Variants in THSD7B observed in about 807,000 individuals in gnomAD.
THSD7B encodes thrombospondin type-1 domain-containing protein 7B.
In THSD7B, 138 loss-of-function variants were observed where a neutral mutation model predicts 213.6. The ratio of observed to expected loss-of-function variants is 0.65; its 90% CI spans 0.56 to 0.74. The LOEUF is 0.74. THSD7B is among the 30% of genes least tolerant of loss of function. The pLI, the probability that THSD7B is intolerant of heterozygous loss-of-function variation, is 0.00. For synonymous variants in THSD7B, 742 were observed against 687.0 expected (o/e 1.08, Z -1.25); for missense variants, 1,931 against 1,991.5 (o/e 0.97, Z 0.58).
chr2:136,948,252 C>A (rs1470962247), intron 2 of THSD7B, among the ~76,000 whole-genome samples: 1 of 152,146 alleles, frequency 6.6e-6, no homozygotes, highest in Non-Finnish European at 1.5e-5. Context: ...TGCCCCTGCT[C>A]ACAAACCTTC....
intron 27 of THSD7B, among the ~76,000 whole-genome samples, chr2:137,672,000 A>ACAT (rs1683588883): frequency 6.6e-6 from 1 of 152,116 alleles, no homozygotes; most frequent in African/African-American, 2.4e-5. Context: ...ATTTATATAA[A>ACAT]CATCTTCCTC....
At chr2:136,976,227 G>A (rs912447845) in intron 2 of THSD7B, among the ~76,000 whole-genome samples, 5 of 152,172 alleles carry the variant, frequency 3.3e-5, no homozygotes, top group Non-Finnish European at 7.3e-5. Flanking sequence ...TGGTGAGAGA[G>A]GGCAGCCTTG....
At chr2:137,112,135 G>A (rs1447657076) in intron 4 of THSD7B, among the ~76,000 whole-genome samples, 1 of 152,168 alleles carries the variant, frequency 6.6e-6, no homozygotes, top group African/African-American at 2.4e-5. Context: ...TATTCTGTCA[G>A]ATCCTAGCGA....
chr2:137,412,304 G>A (rs1686675800), intron 14 of THSD7B, among the ~76,000 whole-genome samples: 1 of 151,490 alleles, frequency 6.6e-6, no homozygotes, highest in Non-Finnish European at 1.5e-5. Flanking sequence ...GATTTTAAAA[G>A]TTTTACCGTA....
At chr2:137,674,338 G>C (rs577994048) in intron 27 of THSD7B, among the ~76,000 whole-genome samples, 5 of 152,234 alleles carry the variant, frequency 3.3e-5, no homozygotes, top group African/African-American at 1.2e-4. Context: ...GAGGTGGGAG[G>C]GAGAAGACTC....
intron 12 of THSD7B, among the ~76,000 whole-genome samples, chr2:137,325,427 G>A (rs1360887473): frequency 6.6e-6 from 1 of 152,152 alleles, no homozygotes; most frequent in South Asian, 2.1e-4. Context: ...GAAACCTGGT[G>A]GTGGGCTTCG....
chr2:137,015,073 C>T (rs1264802455), intron 2 of THSD7B, among the ~76,000 whole-genome samples: 1 of 152,082 alleles, frequency 6.6e-6, no homozygotes, highest in African/African-American at 2.4e-5. Flanking sequence ...ATACTTATCA[C>T]CACTTACTCA....
intron 15 of THSD7B, among the ~76,000 whole-genome samples, chr2:137,462,979 A>G (rs1217745824): frequency 6.6e-6 from 1 of 152,152 alleles, no homozygotes. Flanking sequence ...AAACAAGTCC[A>G]TGCATAGTAA....
chr2:137,033,911 G>A (rs1203606398), intron 2 of THSD7B, among the ~76,000 whole-genome samples: 1 of 151,992 alleles, frequency 6.6e-6, no homozygotes, highest in African/African-American at 2.4e-5. Flanking sequence ...ATTTACATTA[G>A]GTATTTCTCC....
intron 12 of THSD7B, among the ~76,000 whole-genome samples, chr2:137,339,441 G>A (rs1371850538): frequency 6.6e-6 from 1 of 152,050 alleles, no homozygotes; most frequent in Non-Finnish European, 1.5e-5. Context: ...ATGAAGCAGA[G>A]TAGAAAGCAC....
At chr2:137,310,132 T>A (rs368813323) in intron 12 of THSD7B, among the ~76,000 whole-genome samples, 77 of 152,078 alleles carry the variant, frequency 5.1e-4, no homozygotes, top group Middle Eastern at 6.8e-3. Flanking sequence ...AACAGTGTAA[T>A]AGTGTTCCTA....
chr2:136,787,833 G>A (rs1366770787), intron 1 of THSD7B, among the ~76,000 whole-genome samples: 1 of 46,184 alleles, frequency 2.2e-5, no homozygotes, highest in Non-Finnish European at 6.1e-5. Context: ...AAGAGCCATT[G>A]TGTAGTTTCC....
chr2:136,942,909 G>A (rs1325668142), intron 2 of THSD7B, among the ~76,000 whole-genome samples: 1 of 152,196 alleles, frequency 6.6e-6, no homozygotes. Context: ...TGGTGAGAGA[G>A]GACATCCCTG....
intron 7 of THSD7B, among the ~76,000 whole-genome samples, chr2:137,174,483 G>A (rs1011568828): frequency 6.6e-6 from 1 of 152,136 alleles, no homozygotes; most frequent in Non-Finnish European, 1.5e-5. Context: ...AAACTTTGTG[G>A]ATTAGTTTAA....
At chr2:137,397,660 G>A (rs975375074) in intron 12 of THSD7B, among the ~76,000 whole-genome samples, 78 of 151,428 alleles carry the variant, frequency 5.2e-4, no homozygotes, top group African/African-American at 1.7e-3. Context: ...TGCTCTTCTC[G>A]AGGAGTATCT....
At chr2:137,369,978 G>T (rs1290708028) in intron 12 of THSD7B, among the ~76,000 whole-genome samples, 1 of 27,946 alleles carries the variant, frequency 3.6e-5, no homozygotes, top group Non-Finnish European at 4.8e-4. Flanking sequence ...TCACAAAATT[G>T]GAAGAAAAAA....
chr2:137,100,175 A>G (rs1234950809), intron 4 of THSD7B, among the ~76,000 whole-genome samples: 1 of 152,106 alleles, frequency 6.6e-6, no homozygotes, highest in Admixed American at 6.5e-5. Context: ...AGCCAGGGAT[A>G]GTGCCAAGAA....
chr2:136,895,562 A>G (rs1470934554), intron 2 of THSD7B, among the ~76,000 whole-genome samples: 1 of 138,594 alleles, frequency 7.2e-6, no homozygotes, highest in Non-Finnish European at 1.5e-5. Flanking sequence ...TGCTATTACA[A>G]TACTAGTAAT....
intron 12 of THSD7B, among the ~76,000 whole-genome samples, chr2:137,320,234 T>C (rs1049219166): frequency 2.0e-5 from 3 of 152,230 alleles, no homozygotes; most frequent in Non-Finnish European, 4.4e-5. Context: ...TGTGCAAAGA[T>C]ACTATATCAC....
Sources: gnomAD v4.1 joint callset for allele counts (sites outside exome capture counted in the v4.1 genomes callset) on GRCh38, gnomAD v4.1.1 for gene constraint, MANE v1.5 for transcripts, NCBI Gene and HGNC (gene_info 2026-07-23, HGNC 2026-07-21) for gene names.